TCF12: variants seen among roughly 807,000 people sequenced by gnomAD.
TCF12 encodes transcription factor 12.
Under a neutral mutation model 86.0 loss-of-function variants are expected in TCF12, and 45 were observed. The ratio of observed to expected loss-of-function variants is 0.52; its 90% CI spans 0.41 to 0.67. TCF12 has a LOEUF of 0.67. TCF12 is among the 30% of genes least tolerant of loss of function. TCF12 has a pLI of 0.00. For missense variants in TCF12, 881 were observed against 859.9 expected, an observed-to-expected ratio of 1.02 and a Z score of -0.31; for synonymous variants, 330 against 299.6, an observed-to-expected ratio of 1.10 and a Z score of -1.05.
At chr15:56,956,887 A>G (rs538746194) in intron 3 of TCF12, among the ~76,000 whole-genome samples, 9 of 152,148 alleles carry the variant, frequency 5.9e-5, no homozygotes, top group African/African-American at 2.2e-4. Flanking sequence ...TATTTGCTCA[A>G]CTTTCTGGAA....
intron 5 of TCF12, among the ~76,000 whole-genome samples, chr15:57,154,563 G>T (rs757431726): frequency 6.6e-6 from 1 of 152,012 alleles, no homozygotes; most frequent in Non-Finnish European, 1.5e-5. Context: ...TTTATGTTTC[G>T]ACTTCTCAGC....
chr15:57,067,903 A>G (rs1394465618), intron 4 of TCF12, among the ~76,000 whole-genome samples: 5 of 152,224 alleles, frequency 3.3e-5, no homozygotes, highest in African/African-American at 4.8e-5. Context: ...CAAGAGATCT[A>G]GTTAATGAGT....
intron 3 of TCF12, among the ~76,000 whole-genome samples, chr15:56,967,167 CT>C (rs1442746467): frequency 1.3e-5 from 2 of 151,674 alleles, no homozygotes; most frequent in African/African-American, 4.8e-5. Context: ...ATTAAGTTGA[CT>C]TGGTTTCATA....
chr15:57,248,185 A>G (rs2059948808), intron 13 of TCF12: 10 of 683,174 alleles, frequency 1.5e-5, no homozygotes, highest in South Asian at 4.7e-5. Context: ...CTTATTGGCC[A>G]GCACTGGGCC....
intron 3 of TCF12, among the ~76,000 whole-genome samples, chr15:56,948,562 A>T (rs4774902): frequency 6.6e-6 from 1 of 151,984 alleles, no homozygotes; most frequent in African/African-American, 2.4e-5. Flanking sequence ...TTTAAACTGG[A>T]GTGAATACCA....
Position 56,960,354 on chromosome 15 carries a change from A to C in TCF12, c.148+39256A>C, listed in dbSNP as rs563005720. The stretch of plus-strand genomic sequence containing the variant: ...TGTTTGCTGCAAGTTAGTCATACAG[A>C]GAATTGCTTTGATATTTCAGGTATT... On this transcript the variant is annotated intron_variant, in intron 3 of 20. Coordinates refer to ENST00000333725, the MANE Select transcript of TCF12 (RefSeq NM_207037.2). Among the ~76,000 whole-genome samples, 76 of 152,122 alleles carry C rather than the reference A, an allele frequency of 5.0e-4. No homozygotes were observed. The South Asian group carries it at 0.011, about 21-fold the overall frequency.
intron 5 of TCF12, chr15:57,129,768 C>T (rs994278298): frequency 6.6e-6 from 1 of 152,158 alleles, no homozygotes; most frequent in Non-Finnish European, 1.5e-5. Context: ...TTCTTCTTTC[C>T]CATTCCTTCT....
At position 56,993,661 on chromosome 15, in the gene TCF12, A is replaced by G. The variant is rs889347003; in HGVS notation, c.149-70089A>G. On this transcript the variant is annotated intron_variant, in intron 3 of 20. Transcript: ENST00000333725. ...CATTCGATGATACAAAAGTGGGACA[A>G]ATTCAGATGGCACAGCATAAGCCTT... Among the ~76,000 whole-genome samples, 11 of 152,366 alleles carry G rather than the reference A, an allele frequency of 7.2e-5. No homozygotes were observed. The South Asian group carries it at 2.1e-3, about 29-fold the overall frequency.
intron 8 of TCF12, among the ~76,000 whole-genome samples, chr15:57,219,917 G>A (rs1195149116): frequency 1.3e-5 from 2 of 151,832 alleles, no homozygotes; most frequent in Non-Finnish European, 2.9e-5. Context: ...GTAGAGACGC[G>A]GTTTTATCAT....
chr15:57,265,178 A>G (rs777161282), intron 18 of TCF12, among the ~76,000 whole-genome samples: 17 of 152,020 alleles, frequency 1.1e-4, no homozygotes, highest in Admixed American at 2.6e-4. Context: ...ATTATTATCA[A>G]GTACAGCAGG....
intron 19 of TCF12, 46 bp from the exon 20 acceptor site, chr15:57,282,399 C>G (rs1390181461): frequency 6.2e-7 from 1 of 1,611,444 alleles, no homozygotes; most frequent in Non-Finnish European, 8.5e-7. Context: ...AGACCTAATT[C>G]ATAACTTAAA....
intron 5 of TCF12, among the ~76,000 whole-genome samples, chr15:57,096,334 C>T (rs373241321): frequency 1.1e-4 from 16 of 151,688 alleles, no homozygotes; most frequent in African/African-American, 3.6e-4. Context: ...TTGTAAAGAG[C>T]GTCATTAGCT....
At chr15:57,008,223 C>G (rs1323790748) in intron 3 of TCF12, among the ~76,000 whole-genome samples, 19 of 151,724 alleles carry the variant, frequency 1.3e-4, no homozygotes, top group Non-Finnish European at 1.5e-5. Flanking sequence ...ATTCCTCCCT[C>G]CATTTCCTCC....
intron 4 of TCF12, among the ~76,000 whole-genome samples, chr15:57,084,026 A>G (rs915575009): frequency 2.0e-5 from 3 of 152,130 alleles, no homozygotes; most frequent in African/African-American, 4.8e-5. Flanking sequence ...ATGTAAGAAC[A>G]TGGTTTTGCT....
chr15:57,187,287 C>T (rs2056728438), intron 6 of TCF12, among the ~76,000 whole-genome samples: 2 of 151,976 alleles, frequency 1.3e-5, no homozygotes, highest in African/African-American at 2.4e-5. Flanking sequence ...AGGTCATTTA[C>T]AAAAAACCCA....
chr15:57,118,017 C>T (rs2593213), intron 5 of TCF12, among the ~76,000 whole-genome samples: 1,890 of 152,208 alleles, frequency 0.012, 43 homozygotes, highest in African/African-American at 0.043. Context: ...TCAGTTCTTG[C>T]ATTGCAGAAA....
chr15:56,950,850 A>C (rs907996310), intron 3 of TCF12, among the ~76,000 whole-genome samples: 1 of 139,050 alleles, frequency 7.2e-6, no homozygotes, highest in Non-Finnish European at 1.5e-5. Flanking sequence ...TCTTCCTCCC[A>C]GGTTCAAGCG....
In TCF12 at chr15:57,040,313, A is replaced by G. The variant is rs537399041; in HGVS notation, c.149-23437A>G. On this transcript the variant is annotated intron_variant, in intron 3 of 20. Coordinates refer to ENST00000333725, the MANE Select transcript of TCF12 (RefSeq NM_207037.2). Reference sequence around the variant, plus strand: ...GTATATTTGTGGAGCCTATCTTGACATCATGATGGCTTTTTATCCTTTAAT... The same window carrying G: ...GTATATTTGTGGAGCCTATCTTGACGTCATGATGGCTTTTTATCCTTTAAT... Among the ~76,000 whole-genome samples the G allele has an allele frequency of 2.6e-5, 4 of 152,304 alleles. No homozygotes were observed. In the East Asian group the frequency reaches 7.7e-4, roughly 29 times the overall value.
At position 56,953,564 on chromosome 15, in the gene TCF12, T is replaced by C. The variant is rs115045168; in HGVS notation, c.148+32466T>C. ...AACCAACTAGGTGTAGAGTTTTTCA[T>C]TGGAGGTTTTAAACTACAAGTTTAG... On this transcript the variant is annotated intron_variant, in intron 3 of 20. Coordinates refer to ENST00000333725, the MANE Select transcript of TCF12 (RefSeq NM_207037.2). Among the ~76,000 whole-genome samples the C allele has an allele frequency of 2.5e-3, 377 of 152,118 alleles. 1 individual carries two copies. The highest frequency in any genetic ancestry group is 8.9e-3 in the African/African-American group (368 of 41,552).
Sources: allele counts gnomAD v4.1 joint callset (sites outside exome capture counted in the v4.1 genomes callset), GRCh38; gene constraint gnomAD v4.1.1; transcripts MANE v1.5; gene names NCBI Gene and HGNC (gene_info 2026-07-23, HGNC 2026-07-21).